CCDC142: variants seen among roughly 807,000 people sequenced by gnomAD.
CCDC142 encodes the protein coiled-coil domain-containing protein 142.
CCDC142 carries 67 observed loss-of-function variants against 83.8 expected under a neutral mutation model. The ratio of observed to expected loss-of-function variants is 0.80; its 90% CI spans 0.66 to 0.98. CCDC142 has a LOEUF of 0.98. CCDC142 is among the 50% of genes least tolerant of loss of function. The pLI, the probability that CCDC142 is intolerant of heterozygous loss-of-function variation, is 0.00. For synonymous variants in CCDC142, 421 were observed against 421.2 expected (o/e 1.00, Z 0.01); for missense variants, 905 against 946.8 (o/e 0.96, Z 0.58).
chr2:74,474,274 AG>A lies in CCDC142; in HGVS notation c.*271del, dbSNP rs1232500317. The A allele has an allele frequency of 3.9e-6, 1 of 256,092 alleles. No individual in the cohort carries two copies. Among genetic ancestry groups the A allele is most frequent in the East Asian group, 8.9e-5 (1 of 11,242 alleles). 15.9% of individuals were successfully genotyped at this position (256,092 alleles called of 1,614,324 possible). On this transcript the variant is annotated 3_prime_UTR_variant, in exon 9 of 9. Coordinates refer to ENST00000393965, the MANE Select transcript of CCDC142 (RefSeq NM_001365575.2). ...AATTTTTTGTATTTTTAGTGGAAAC[AG>A]GGTTTCACCGTGTTAGCCAGGATGG...
At chr2:74,481,169 GAA>G (rs2104018691) in intron 3 of CCDC142, 52 bp downstream of exon 3, 2 of 1,611,906 alleles carry the variant, frequency 1.2e-6, no homozygotes, top group South Asian at 2.2e-5. Context: ...CAGAGTGAAA[GAA>G]AAGAGATATC....
Position 74,482,894 on chromosome 2 carries a change from C to T in CCDC142, c.-57G>A. On this transcript the variant is annotated 5_prime_UTR_variant, in exon 1 of 9. Coordinates refer to ENST00000393965, the MANE Select transcript of CCDC142 (RefSeq NM_001365575.2). This position sits in a 1 kb window ranked among gnomAD's most constrained non-coding sequence, Gnocchi z 5.0. ...TCCCACTTCCCTGCACGGACCAACG[C>T]CCGCCGCAGCTCGGACTTCGCCCCA... is the stretch of plus-strand genomic sequence containing the variant. 1 of 1,568,432 alleles carries T rather than the reference C, an allele frequency of 6.4e-7. No individual in the cohort carries two copies. Among genetic ancestry groups the T allele is most frequent in the Non-Finnish European group, 8.6e-7 (1 of 1,160,932 alleles).
chr2:74,475,464 T>C lies in CCDC142; in HGVS notation c.1619-62A>G, dbSNP rs1451699027. 2.6e-5 allele frequency: 40 copies of C among 1,517,692 alleles called. No homozygotes were observed. In the Admixed American group the frequency reaches 3.7e-4, roughly 14 times the overall value. 94.0% of individuals were successfully genotyped at this position (1,517,692 alleles called of 1,614,324 possible). On this transcript the variant is annotated intron_variant, in intron 6 of 8. Transcript: ENST00000393965. ...TCCATTGAACCCCTAAATGGAGTGT[T>C]TGGGAGAAGAGGGTAGGATTTCAGG...
chr2:74,479,540 T>C (rs1672398922), intron 5 of CCDC142, among the ~76,000 whole-genome samples: 1 of 152,240 alleles, frequency 6.6e-6, no homozygotes, highest in South Asian at 2.1e-4. Flanking sequence ...TGCTGTTTTT[T>C]CATTAGTTTT....
In CCDC142 at chr2:74,481,938, G is replaced by A. The variant is rs2104025289; in HGVS notation, c.900C>T (p.Ala300=). The change falls in exon 1 of 9, where the codon GCC becomes GCT. Residue 300 remains alanine (A), a synonymous_variant. Coordinates refer to ENST00000393965, the MANE Select transcript of CCDC142 (RefSeq NM_001365575.2). Reference sequence around the variant, plus strand: ...GCAGGGTCCAGTATTGGCTCCACAAGGCCCCAGCCCCTCCGAGCCCTAGTC... The same window carrying A: ...GCAGGGTCCAGTATTGGCTCCACAAAGCCCCAGCCCCTCCGAGCCCTAGTC... ...SCGLGLGGAG[A]LWSQYWTLLW... is the part of the protein sequence containing the mutation. The A allele has an allele frequency of 1.2e-6, 2 of 1,614,054 alleles. No individual in the cohort carries two copies. The highest frequency in any genetic ancestry group is 8.5e-7 in the Non-Finnish European group (1 of 1,180,008).
At chr2:74,477,482 G>A (rs761321094) in intron 5 of CCDC142, among the ~76,000 whole-genome samples, 2 of 152,104 alleles carry the variant, frequency 1.3e-5, no homozygotes, top group African/African-American at 4.8e-5. Context: ...ACAATTTGAT[G>A]CCAAATTGCT....
At chr2:74,480,204 T>C (rs898844266) in intron 5 of CCDC142, among the ~76,000 whole-genome samples, 1 of 151,900 alleles carries the variant, frequency 6.6e-6, no homozygotes, top group African/African-American at 2.4e-5. Context: ...TGACCATGAG[T>C]TGATAATTGT....
chr2:74,481,279 G>A lies in CCDC142; in HGVS notation c.1202C>T (p.Pro401Leu), dbSNP rs775265686. ...GGGCTCTCGAAGGGCATCCAAGAGAGGAGGAAAGAGCTGCTGCAAAAGTTC... is the reference window on the plus strand; with the variant it reads ...GGGCTCTCGAAGGGCATCCAAGAGAAGAGGAAAGAGCTGCTGCAAAAGTTC... ...TAELLQQLFPPLLDALREPRL... is the reference protein window; with the variant it reads ...TAELLQQLFPLLLDALREPRL... The change falls in exon 3 of 9, where the codon CCT becomes CTT. Residue 401 changes from proline (P) to leucine (L), a missense_variant. This residue lies in a region of CCDC142 where 591 missense variants were observed against 571.4 expected (regional missense o/e 1.03). Transcript: ENST00000393965. The A allele has an allele frequency of 6.2e-7, 1 of 1,614,062 alleles. No individual in the cohort carries two copies. Among genetic ancestry groups the A allele is most frequent in the African/African-American group, 1.3e-5 (1 of 74,916 alleles).
intron 5 of CCDC142, among the ~76,000 whole-genome samples, chr2:74,478,228 A>T (rs1309939499): frequency 6.7e-6 from 1 of 149,124 alleles, no homozygotes; most frequent in Non-Finnish European, 1.5e-5. Context: ...TGTCCAGCTA[A>T]TTTTTGTATT....
At chr2:74,476,038 C>T (rs1672316187) in intron 5 of CCDC142, among the ~76,000 whole-genome samples, 1 of 142,930 alleles carries the variant, frequency 7.0e-6, no homozygotes, top group Non-Finnish European at 1.5e-5. Flanking sequence ...CTGCCCCCAC[C>T]CCCGCAACAC....
At chr2:74,477,120 CTCTT>C (rs1301336913) in intron 5 of CCDC142, among the ~76,000 whole-genome samples, 10 of 151,876 alleles carry the variant, frequency 6.6e-5, no homozygotes, top group Admixed American at 3.9e-4. Flanking sequence ...CTCACAATGC[CTCTT>C]TTTTTTTTTT....
In CCDC142 at chr2:74,482,010, TG is replaced by T; in HGVS notation, c.827del (p.Pro276GlnfsTer18). 1 of 1,613,792 alleles carries T rather than the reference TG, an allele frequency of 6.2e-7. No homozygotes were observed. ...RRCQEEGDLL[P>X]GLLGLVGGVA... is the part of the protein sequence containing the mutation. ...CGCCCCCGACCAGGCCCAGCAGCCC[TG>T]GTAGCAGATCCCCCTCCTCTTGGCA... On this transcript the variant is annotated frameshift_variant, in exon 1 of 9. Coordinates refer to ENST00000393965, the MANE Select transcript of CCDC142 (RefSeq NM_001365575.2). LOFTEE classifies it high-confidence loss of function. This position sits in a 1 kb window ranked among gnomAD's most constrained non-coding sequence, Gnocchi z 5.0.
Position 74,474,401 on chromosome 2 carries a change from G to T in CCDC142, c.*145C>A. ...CCAGCCCCTAATCTTGGATTCTTAA[G>T]CCCAGGCTCTTTGTAGCTTATTCTC... On this transcript the variant is annotated 3_prime_UTR_variant, in exon 9 of 9. Coordinates refer to ENST00000393965, the MANE Select transcript of CCDC142 (RefSeq NM_001365575.2). 2.7e-6 allele frequency: 3 copies of T among 1,125,522 alleles called. No homozygotes were observed. The highest frequency in any genetic ancestry group is 3.7e-6 in the Non-Finnish European group (3 of 819,768). The allele number at this position is 1,125,522 out of a possible 1,614,324, so 69.7% of individuals were successfully genotyped here. A position where few individuals can be genotyped will look rare whatever the true frequency, so the allele number is the denominator to read the frequency against.
In CCDC142 at chr2:74,480,212, T is replaced by G. The variant is rs985403641; in HGVS notation, c.1503+557A>C. ...ATGAAATTGACCATGAGTTGATAAT[T>G]GTTAAATGCTTGGTGACAGACATAT... On this transcript the variant is annotated intron_variant, in intron 5 of 8. Coordinates refer to ENST00000393965, the MANE Select transcript of CCDC142 (RefSeq NM_001365575.2). Among the ~76,000 whole-genome samples, 6 of 152,172 alleles carry G rather than the reference T, an allele frequency of 3.9e-5. No individual in the cohort carries two copies. In the South Asian group the frequency reaches 1.2e-3, roughly 32 times the overall value.
chr2:74,477,761 G>T (rs1672355811), intron 5 of CCDC142, among the ~76,000 whole-genome samples: 2 of 152,154 alleles, frequency 1.3e-5, no homozygotes, highest in Admixed American at 1.3e-4. Context: ...CTGCTCTGGG[G>T]CATGTTGAGT....
rs760987753 is a variant in CCDC142, at chr2:74,482,708, G to C, written c.130C>G (p.His44Asp). 3 of 1,607,662 alleles carry C rather than the reference G, an allele frequency of 1.9e-6. No homozygotes were observed. The highest frequency in any genetic ancestry group is 2.5e-6 in the Non-Finnish European group (3 of 1,179,970). ...CCAGAAGTTCCGCTCGGCCAGCAGT[G>C]AACCTCCCAGCGAAGACCGCCCGTT... Reference protein sequence around the residue: ...SRTGGLRWEVHCWPSGTSGGT... With the variant: ...SRTGGLRWEVDCWPSGTSGGT... Residue 44 changes from histidine to aspartate, a missense_variant, in exon 1 of 9, where the codon CAC becomes GAC. Physicochemically the swap from His to Asp is moderately conservative, Grantham distance 81 (BLOSUM62 -1). Coordinates refer to ENST00000393965, the MANE Select transcript of CCDC142 (RefSeq NM_001365575.2). The surrounding 1 kb of genome is among the most constrained non-coding windows in gnomAD (Gnocchi z 5.0).
At chr2:74,480,163 G>A (rs191006131) in intron 5 of CCDC142, among the ~76,000 whole-genome samples, 2 of 152,310 alleles carry the variant, frequency 1.3e-5, no homozygotes, top group Admixed American at 1.3e-4. Context: ...TGGCATTACT[G>A]GGGAGAGGGT....
rs769448336 is a variant in CCDC142, at chr2:74,481,273, A to C, written c.1208T>G (p.Leu403Trp). The C allele has an allele frequency of 1.2e-5, 20 of 1,613,984 alleles. No individual in the cohort carries two copies. The highest frequency in any genetic ancestry group is 1.7e-5 in the Admixed American group (1 of 60,006). The change falls in exon 3 of 9, where the codon TTG (leucine) becomes TGG (tryptophan). Residue 403 changes from leucine to tryptophan, a missense_variant. Transcript: ENST00000393965. ...ELLQQLFPPL[L>W]DALREPRLRR... ...TAACCTGGGCTCTCGAAGGGCATCCAAGAGAGGAGGAAAGAGCTGCTGCAA... is the reference window on the plus strand; with the variant it reads ...TAACCTGGGCTCTCGAAGGGCATCCCAGAGAGGAGGAAAGAGCTGCTGCAA...
Position 74,473,591 on chromosome 2 carries a change from ACAGGCGTGAG to A in CCDC142, c.*945_*954del, listed in dbSNP as rs1448240629. ...CTAGGCCTCCCAAAGTGCTGGGATT[ACAGGCGTGAG>A]CAGGCGTGAGCCCCCTCACCTGGCC... On this transcript the variant is annotated 3_prime_UTR_variant, in exon 9 of 9. Coordinates refer to ENST00000393965, the MANE Select transcript of CCDC142 (RefSeq NM_001365575.2). 2.0e-4 allele frequency among the ~76,000 whole-genome samples: 31 copies of A among 152,212 alleles called. No individual in the cohort carries two copies. Among genetic ancestry groups the A allele is most frequent in the East Asian group, 1.2e-3 (6 of 5,152 alleles).
Sources: gnomAD v4.1 joint callset for allele counts (sites outside exome capture counted in the v4.1 genomes callset) on GRCh38, gnomAD v4.1.1 for gene constraint, gnomAD v4.1.1 regional missense constraint, Gnocchi (gnomAD v3.1) non-coding constraint, MANE v1.5 for transcripts, NCBI Gene and HGNC (gene_info 2026-07-23, HGNC 2026-07-21) for gene names.